PMEPA1: variants seen among roughly 807,000 people sequenced by gnomAD.
PMEPA1 encodes the protein protein TMEPAI.
Under a neutral mutation model 23.0 loss-of-function variants are expected in PMEPA1, and 11 were observed. The observed-to-expected ratio is 0.48, with a 90% confidence interval of 0.30 to 0.79. The LOEUF is 0.79. Ranked by LOEUF, PMEPA1 falls within the 30% of genes least tolerant of loss-of-function variation. PMEPA1 has a pLI of 0.06. For synonymous variants in PMEPA1, 204 were observed against 166.4 expected (o/e 1.23, Z -1.74); for missense variants, 377 against 390.9 (o/e 0.96, Z 0.30).
chr20:57,670,919 C>A (rs1412931966), intron 1 of PMEPA1, among the ~76,000 whole-genome samples: 1 of 152,162 alleles, frequency 6.6e-6, no homozygotes, highest in African/African-American at 2.4e-5. Context: ...CCCCCCAACC[C>A]CCAACCAGTG....
chr20:57,676,760 C>G (rs1195143700), intron 1 of PMEPA1, among the ~76,000 whole-genome samples: 1 of 152,168 alleles, frequency 6.6e-6, no homozygotes, highest in Non-Finnish European at 1.5e-5. Flanking sequence ...TGCTGAGCAC[C>G]CACACAGAGA....
At chr20:57,666,577 A>G (rs1344852407) in intron 1 of PMEPA1, among the ~76,000 whole-genome samples, 1 of 152,168 alleles carries the variant, frequency 6.6e-6, no homozygotes, top group East Asian at 1.9e-4. Context: ...TGCCAGAAAC[A>G]GCGGGAGATT....
chr20:57,693,130 T>C (rs1267689832), intron 1 of PMEPA1, among the ~76,000 whole-genome samples: 1 of 152,202 alleles, frequency 6.6e-6, no homozygotes, highest in Non-Finnish European at 1.5e-5. Context: ...CCAGGAGCTG[T>C]GTCTGAAGCC....
At chr20:57,657,404 G>A (rs919293147) in intron 2 of PMEPA1, among the ~76,000 whole-genome samples, 32 of 152,200 alleles carry the variant, frequency 2.1e-4, no homozygotes, top group African/African-American at 7.7e-4. Flanking sequence ...TGTGGCCTCC[G>A]GCAAATGTTC....
chr20:57,677,176 G>A (rs544750170), intron 1 of PMEPA1, among the ~76,000 whole-genome samples: 47 of 152,322 alleles, frequency 3.1e-4, no homozygotes, highest in Non-Finnish European at 6.2e-4. Flanking sequence ...TCTTGGTCAC[G>A]AGGGGCAGTG....
intron 1 of PMEPA1, among the ~76,000 whole-genome samples, chr20:57,687,948 A>C (rs939296941): frequency 1.1e-4 from 16 of 152,314 alleles, no homozygotes; most frequent in Middle Eastern, 6.8e-3. Flanking sequence ...CTGAACCTGC[A>C]TCTAGATCGG....
chr20:57,703,231 C>T (rs1893663042), intron 1 of PMEPA1, among the ~76,000 whole-genome samples: 1 of 152,266 alleles, frequency 6.6e-6, no homozygotes, highest in South Asian at 2.1e-4. Context: ...CTCCCCGGCC[C>T]TCCCCCGCTG....
chr20:57,686,280 G>C (rs2071800086), intron 1 of PMEPA1, among the ~76,000 whole-genome samples: 1 of 152,202 alleles, frequency 6.6e-6, no homozygotes, highest in Admixed American at 6.5e-5. Context: ...TGCCCAGTGA[G>C]GGCTCATTCA....
chr20:57,703,960 G>T (rs2072044509), intron 1 of PMEPA1, among the ~76,000 whole-genome samples: 1 of 152,042 alleles, frequency 6.6e-6, no homozygotes, highest in Admixed American at 6.5e-5. Context: ...GTGAAGGGGG[G>T]CACAAAGGGG....
rs2071757142 is a variant in PMEPA1 at position 57,683,585 on chromosome 20, T to TGTGTGTG, written c.110-23889_110-23888insCACACAC. ...TGTGTGTGTGTGTGTGTGTGTGTGT[T>TGTGTGTG]TCTTTTAAAAGTCTCTTCCCCTGAA... On this transcript the variant is annotated intron_variant, in intron 1 of 3. Transcript: ENST00000341744. This position sits in a 1 kb window ranked among gnomAD's most constrained non-coding sequence, Gnocchi z 4.3. Among the ~76,000 whole-genome samples the TGTGTGTG allele has an allele frequency of 1.1e-5, 1 of 93,994 alleles. No individual in the cohort carries two copies. Among genetic ancestry groups the TGTGTGTG allele is most frequent in the East Asian group, 2.8e-4 (1 of 3,594 alleles). 61.7% of individuals were successfully genotyped at this position (93,994 alleles called of 152,430 possible). A position where few individuals can be genotyped will look rare whatever the true frequency, so the allele number is the denominator to read the frequency against.
chr20:57,673,251 C>A (rs887472677), intron 1 of PMEPA1, among the ~76,000 whole-genome samples: 1 of 152,040 alleles, frequency 6.6e-6, no homozygotes, highest in Non-Finnish European at 1.5e-5. Flanking sequence ...TGCCCATTCT[C>A]GGTGGCCTGC....
chr20:57,678,346 A>C (rs1392014325), intron 1 of PMEPA1, among the ~76,000 whole-genome samples: 1 of 152,256 alleles, frequency 6.6e-6, no homozygotes, highest in East Asian at 1.9e-4. Flanking sequence ...GCATGCTAAC[A>C]AACAATTGTC....
At chr20:57,666,534 C>G (rs760347350) in intron 1 of PMEPA1, among the ~76,000 whole-genome samples, 5 of 152,258 alleles carry the variant, frequency 3.3e-5, no homozygotes, top group Admixed American at 6.5e-5. Context: ...GTTTGCCCGA[C>G]CCCCAGCAGT....
At chr20:57,653,198 C>A in intron 2 of PMEPA1, 112 bp from the exon 3 acceptor site, 1 of 873,034 alleles carries the variant, frequency 1.1e-6, no homozygotes, top group Non-Finnish European at 1.9e-6. Context: ...CTCTTGAACC[C>A]GCCCACCTCT....
Position 57,683,882 on chromosome 20 carries a change from T to C in PMEPA1, c.110-24185A>G, listed in dbSNP as rs1043356410. ...AAACCCATGCGGGGCACAATGGGAG[T>C]AGCTGCTCAACAGACCACTCCTGCC... is the stretch of plus-strand genomic sequence containing the variant. On this transcript the variant is annotated intron_variant, in intron 1 of 3. Coordinates refer to ENST00000341744, the MANE Select transcript of PMEPA1 (RefSeq NM_020182.5). This position sits in a 1 kb window ranked among gnomAD's most constrained non-coding sequence, Gnocchi z 4.3. Among the ~76,000 whole-genome samples, 5 of 151,862 alleles carry C rather than the reference T, an allele frequency of 3.3e-5. No homozygotes were observed. The highest frequency in any genetic ancestry group is 2.6e-4 in the Admixed American group (4 of 15,240).
chr20:57,658,577 T>A (rs117012757), intron 2 of PMEPA1, among the ~76,000 whole-genome samples: 3,111 of 152,296 alleles, frequency 0.02, 53 homozygotes, highest in Non-Finnish European at 0.031. Context: ...ACCAGACCCG[T>A]GCTCTGTGCT....
At chr20:57,670,101 C>T (rs1180215914) in intron 1 of PMEPA1, among the ~76,000 whole-genome samples, 1 of 151,952 alleles carries the variant, frequency 6.6e-6, no homozygotes, top group East Asian at 1.9e-4. Flanking sequence ...GGGCACCTGA[C>T]CACCCCTCCA....
intron 1 of PMEPA1, among the ~76,000 whole-genome samples, chr20:57,667,524 T>G (rs1034362266): frequency 1.3e-5 from 2 of 152,050 alleles, no homozygotes; most frequent in Non-Finnish European, 2.9e-5. Flanking sequence ...GCCGGCCCCA[T>G]GGAGGTTTCC....
chr20:57,651,925 G>A lies in PMEPA1; in HGVS notation c.*128C>T. Reference sequence around the variant, plus strand: ...ATCACATGTAAATATTTATACACAGGGAGGTGGGAGGGGAGGGCCACACGA... The same window carrying A: ...ATCACATGTAAATATTTATACACAGAGAGGTGGGAGGGGAGGGCCACACGA... On this transcript the variant is annotated 3_prime_UTR_variant, in exon 4 of 4. Transcript: ENST00000341744. 3 of 617,922 alleles carry A rather than the reference G, an allele frequency of 4.9e-6. No homozygotes were observed. Among genetic ancestry groups the A allele is most frequent in the South Asian group, 2.7e-5 (1 of 37,164 alleles). 38.3% of individuals were successfully genotyped at this position (617,922 alleles called of 1,614,324 possible).
Sources: allele counts gnomAD v4.1 joint callset (sites outside exome capture counted in the v4.1 genomes callset), GRCh38; gene constraint gnomAD v4.1.1; non-coding constraint Gnocchi (gnomAD v3.1); transcripts MANE v1.5; gene names NCBI Gene and HGNC (gene_info 2026-07-23, HGNC 2026-07-21).